Variants in TUBGCP3 observed in about 807,000 individuals in gnomAD.
TUBGCP3 encodes tubulin gamma complex component 3.
TUBGCP3 carries 50 observed loss-of-function variants against 123.1 expected under a neutral mutation model. That is an observed-to-expected ratio of 0.41 (90% CI 0.32 to 0.51). The LOEUF (loss-of-function observed/expected upper bound fraction) is 0.51. Among genes scored for constraint, TUBGCP3 ranks in the 20% least tolerant of loss-of-function variants. The pLI, the probability that TUBGCP3 is intolerant of heterozygous loss-of-function variation, is 0.36. For synonymous variants in TUBGCP3, 405 were observed against 413.9 expected (o/e 0.98, Z 0.26); for missense variants, 882 against 1,127.0 (o/e 0.78, Z 3.11).
intron 11 of TUBGCP3, among the ~76,000 whole-genome samples, chr13:112,537,090 T>A (rs972192304): frequency 5.9e-5 from 9 of 151,642 alleles, no homozygotes; most frequent in Non-Finnish European, 1.2e-4. Context: ...TACTTTTTCT[T>A]TTCCAATCTG....
chr13:112,534,313 G>A (rs911850235), intron 11 of TUBGCP3, among the ~76,000 whole-genome samples: 1 of 152,184 alleles, frequency 6.6e-6, no homozygotes, highest in Non-Finnish European at 1.5e-5. Flanking sequence ...CTGGGAGGCC[G>A]AGAGGGGTGG....
In TUBGCP3 at chr13:112,524,024, C is replaced by G. The variant is rs1364296160; in HGVS notation, c.1556-1515G>C. On this transcript the variant is annotated intron_variant, in intron 13 of 21. Transcript: ENST00000261965. This position sits in a 1 kb window ranked among gnomAD's most constrained non-coding sequence, Gnocchi z 4.4. ...ACGACGGGGACCACAGGAGTCGTCA[C>G]AGAGAAGCAGCAGCGTCAGCAGCAG... Among the ~76,000 whole-genome samples the G allele has an allele frequency of 6.6e-6, 1 of 152,156 alleles. No homozygotes were observed. Among genetic ancestry groups the G allele is most frequent in the Non-Finnish European group, 1.5e-5 (1 of 68,034 alleles).
chr13:112,584,356 C>T (rs9550155), intron 1 of TUBGCP3, among the ~76,000 whole-genome samples: 144,890 of 152,360 alleles, frequency 0.95, 68,958 homozygotes, highest in East Asian at 1. Flanking sequence ...GTAAATCCAT[C>T]AAGTACAACT....
Position 112,493,737 on chromosome 13 carries a change from G to T in TUBGCP3, c.2449-4040C>A, listed in dbSNP as rs377264365. The stretch of plus-strand genomic sequence containing the variant: ...TGTCCCTGAGACACTCTGGCTATGG[G>T]AACATGGCCTGGTGTGCCTGAGACA... On this transcript the variant is annotated intron_variant, in intron 20 of 21. Coordinates refer to ENST00000261965, the MANE Select transcript of TUBGCP3 (RefSeq NM_006322.6). 1.6e-3 allele frequency among the ~76,000 whole-genome samples: 233 copies of T among 149,028 alleles called. 3 individuals are homozygous for T. Among genetic ancestry groups the T allele is most frequent in the African/African-American group, 5.5e-3 (220 of 40,232 alleles).
At chr13:112,535,327 C>T (rs1054419221) in intron 11 of TUBGCP3, among the ~76,000 whole-genome samples, 4 of 152,196 alleles carry the variant, frequency 2.6e-5, no homozygotes, top group Admixed American at 6.5e-5. Context: ...TGTTGGGTCA[C>T]ATGGTAAATC....
chr13:112,513,495 T>C (rs550390272), intron 17 of TUBGCP3, among the ~76,000 whole-genome samples: 1 of 152,336 alleles, frequency 6.6e-6, no homozygotes, highest in East Asian at 1.9e-4. Flanking sequence ...TGAATATTGC[T>C]AAAACACTAG....
chr13:112,585,831 T>G (rs2139341712), intron 1 of TUBGCP3, among the ~76,000 whole-genome samples: 1 of 152,198 alleles, frequency 6.6e-6, no homozygotes, highest in Middle Eastern at 3.4e-3. Context: ...GAGCCCACTT[T>G]TAGACACAGT....
At chr13:112,598,599 A>G in the TUBGCP3 span, among the ~76,000 whole-genome samples, 2 of 152,186 alleles carry the variant, frequency 1.3e-5, no homozygotes, top group Admixed American at 6.6e-5. Context: ...TGTAGTTTCT[A>G]GGGAAACCAT....
At chr13:112,544,271 G>A (rs921130677) in intron 11 of TUBGCP3, among the ~76,000 whole-genome samples, 1 of 152,002 alleles carries the variant, frequency 6.6e-6, no homozygotes, top group Admixed American at 6.6e-5. Flanking sequence ...GGCTAACACA[G>A]TGAAACCCCG....
rs1380772154 is a variant in TUBGCP3 at position 112,485,018 on chromosome 13, T to C, written c.*975A>G. 1.3e-5 allele frequency: 2 copies of C among 152,426 alleles called. No individual in the cohort carries two copies. Among genetic ancestry groups the C allele is most frequent in the African/African-American group, 4.8e-5 (2 of 41,478 alleles). 9.4% of individuals were successfully genotyped at this position (152,426 alleles called of 1,614,324 possible). ...AGAAATAACGAATGCATCTGAAAGA[T>C]AATTGCTTTTAATTTTCTAAATTTT... On this transcript the variant is annotated 3_prime_UTR_variant, in exon 22 of 22. Transcript: ENST00000261965.
chr13:112,573,082 G>C (rs566905046), intron 1 of TUBGCP3, among the ~76,000 whole-genome samples: 2 of 151,474 alleles, frequency 1.3e-5, no homozygotes, highest in East Asian at 3.9e-4. Flanking sequence ...AAAACAAAAA[G>C]GAGACAAACA....
At chr13:112,523,317 A>C (rs1315189923) in intron 13 of TUBGCP3, among the ~76,000 whole-genome samples, 3 of 152,252 alleles carry the variant, frequency 2.0e-5, no homozygotes, top group Admixed American at 1.3e-4. Context: ...TCAGAGTTTA[A>C]GTCTCTTTCC....
the TUBGCP3 span, among the ~76,000 whole-genome samples, chr13:112,598,143 G>A: frequency 6.6e-6 from 1 of 151,634 alleles, no homozygotes; most frequent in Admixed American, 6.6e-5. Context: ...AGATGAAGAT[G>A]GAATTATATT....
At chr13:112,555,214 C>T (rs1594192714) in intron 6 of TUBGCP3, among the ~76,000 whole-genome samples, 1 of 152,294 alleles carries the variant, frequency 6.6e-6, no homozygotes, top group Non-Finnish European at 1.5e-5. Flanking sequence ...GCCATGAACG[C>T]ACAGCTGTCA....
At chr13:112,575,534 A>G (rs963516451) in intron 1 of TUBGCP3, among the ~76,000 whole-genome samples, 4 of 152,344 alleles carry the variant, frequency 2.6e-5, no homozygotes, top group African/African-American at 9.6e-5. Context: ...ATTTCTCAGT[A>G]ATCCAAAGGG....
chr13:112,496,034 A>G lies in TUBGCP3; in HGVS notation c.2448+3011T>C, dbSNP rs78958012. Among the ~76,000 whole-genome samples, 1,474 of 152,358 alleles carry G rather than the reference A, an allele frequency of 9.7e-3. 14 individuals are homozygous for G. The highest frequency in any genetic ancestry group is 0.018 in the Admixed American group (283 of 15,304). On this transcript the variant is annotated intron_variant, in intron 20 of 21. Coordinates refer to ENST00000261965, the MANE Select transcript of TUBGCP3 (RefSeq NM_006322.6). ...CTATTTTCAAAACTATACTGTTCCC[A>G]TATCAGCAGCAGCATTGAGATTCTT...
chr13:112,504,308 CA>C, intron 18 of TUBGCP3, 145 bp from the exon 19 acceptor site: 2 of 1,033,384 alleles, frequency 1.9e-6, no homozygotes, highest in Non-Finnish European at 2.8e-6. Context: ...GCCAACATGG[CA>C]AAACCCCGTC....
At chr13:112,550,795 T>G (rs1170853171) in intron 8 of TUBGCP3, among the ~76,000 whole-genome samples, 1 of 152,178 alleles carries the variant, frequency 6.6e-6, no homozygotes, top group African/African-American at 2.4e-5. Context: ...ATCAAAGCTT[T>G]GAAAAACCTG....
chr13:112,551,054 G>C (rs1338521944), intron 8 of TUBGCP3, among the ~76,000 whole-genome samples: 1 of 152,004 alleles, frequency 6.6e-6, no homozygotes, highest in African/African-American at 2.4e-5. Context: ...AGCCGAGATC[G>C]CGCCACTGCA....
Sources: allele counts gnomAD v4.1 joint callset (sites outside exome capture counted in the v4.1 genomes callset), GRCh38; gene constraint gnomAD v4.1.1; non-coding constraint Gnocchi (gnomAD v3.1); transcripts MANE v1.5; gene names NCBI Gene and HGNC (gene_info 2026-07-23, HGNC 2026-07-21).